Variants in PIK3IP1 observed in about 807,000 individuals in gnomAD.
The protein encoded by PIK3IP1 is phosphoinositide-3-kinase-interacting protein 1.
A neutral mutation model predicts 30.7 loss-of-function variants in PIK3IP1; 28 were observed. The observed-to-expected ratio is 0.91, with a 90% confidence interval of 0.68 to 1.25. The LOEUF is 1.25. Ranked by LOEUF, PIK3IP1 falls within the 50% of genes most tolerant of loss-of-function variation. The pLI, the probability that PIK3IP1 is intolerant of heterozygous loss-of-function variation, is 0.00. For synonymous variants in PIK3IP1, 159 were observed against 140.8 expected, an observed-to-expected ratio of 1.13 and a Z score of -0.91; for missense variants, 333 against 346.2, an observed-to-expected ratio of 0.96 and a Z score of 0.30.
At chr22:31,292,064 G>A (rs2049184884) in intron 1 of PIK3IP1, among the ~76,000 whole-genome samples, 1 of 152,244 alleles carries the variant, frequency 6.6e-6, no homozygotes, top group Non-Finnish European at 1.5e-5. Context: ...AGGAAAGGCA[G>A]AGAGAAAGTG....
At chr22:31,290,028 A>T (rs2049161939) in intron 3 of PIK3IP1, 1 of 274,952 alleles carries the variant, frequency 3.6e-6, no homozygotes, top group Non-Finnish European at 7.0e-6. Context: ...CTACTTCAGG[A>T]AACAACCCAT....
At position 31,282,257 on chromosome 22, in the gene PIK3IP1, A is replaced by G. The variant is rs1414345849; in HGVS notation, c.*827T>C. On this transcript the variant is annotated 3_prime_UTR_variant, in exon 6 of 6. Coordinates refer to ENST00000215912, the MANE Select transcript of PIK3IP1 (RefSeq NM_052880.5). ...TTAGAAGCAGCTCACAAGGCCCCAC[A>G]GTATAATTCCCATAGGTTAGCTAAC... 1.3e-5 allele frequency: 2 copies of G among 152,358 alleles called. No individual in the cohort carries two copies. The highest frequency in any genetic ancestry group is 4.8e-5 in the African/African-American group (2 of 41,446). The allele number at this position is 152,358 out of a possible 1,614,324, so 9.4% of individuals were successfully genotyped here. A position where few individuals can be genotyped will look rare whatever the true frequency, so the allele number is the denominator to read the frequency against.
Position 31,283,162 on chromosome 22 carries a change from G to A in PIK3IP1, c.714C>T (p.Val238=), listed in dbSNP as rs760951137. The change falls in exon 6 of 6, where the codon GTC becomes GTT. Residue 238 remains valine, a synonymous_variant. Transcript: ENST00000215912. ...CEIVDEKTVV[V]HTSQTPVDPQ... ...GGTCAACTGGAGTCTGGCTGGTGTGGACCACGACAGTCTTCTCATCCACAA... is the reference window on the plus strand; with the variant it reads ...GGTCAACTGGAGTCTGGCTGGTGTGAACCACGACAGTCTTCTCATCCACAA... The A allele has an allele frequency of 1.2e-6, 2 of 1,614,048 alleles. No homozygotes were observed.
At position 31,292,270 on chromosome 22, in the gene PIK3IP1, C is replaced by T; in HGVS notation, c.70+5G>A. On this transcript the variant is annotated splice_donor_5th_base_variant and intron_variant, in intron 1 of 5. Coordinates refer to ENST00000215912, the MANE Select transcript of PIK3IP1 (RefSeq NM_052880.5). The stretch of plus-strand genomic sequence containing the variant: ...TGCTGCGGAAAGGAAAGATTGTAAT[C>T]TCACCTCCAGATCCATAGGCTTCTG... 1 of 1,613,944 alleles carries T rather than the reference C, an allele frequency of 6.2e-7. No homozygotes were observed. Among genetic ancestry groups the T allele is most frequent in the Non-Finnish European group, 8.5e-7 (1 of 1,179,828 alleles).
At chr22:31,290,610 G>A in intron 3 of PIK3IP1, 1 of 208,938 alleles carries the variant, frequency 4.8e-6, no homozygotes, top group Non-Finnish European at 9.5e-6. Context: ...GGAGGTTGGG[G>A]AGCTGGGGTT....
At chr22:31,283,867 G>A (rs1387821582) in intron 5 of PIK3IP1, among the ~76,000 whole-genome samples, 1 of 151,992 alleles carries the variant, frequency 6.6e-6, no homozygotes, top group Non-Finnish European at 1.5e-5. Flanking sequence ...TCCCAGAGAT[G>A]CTTATTACTT....
intron 1 of PIK3IP1, 133 bp downstream of exon 1, chr22:31,292,142 A>G: frequency 1.2e-6 from 1 of 834,538 alleles, no homozygotes; most frequent in Non-Finnish European, 1.9e-6. Context: ...GGAGGGGTGG[A>G]AAAGCTTTCA....
At chr22:31,290,821 GC>G in intron 3 of PIK3IP1, 143 bp downstream of exon 3, 1 of 1,244,468 alleles carries the variant, frequency 8.0e-7, no homozygotes. Context: ...GAGCCCCGCG[GC>G]CTGGAGACAG....
Position 31,285,357 on chromosome 22 carries a change from T to C in PIK3IP1, c.588-2069A>G, listed in dbSNP as rs552884181. On this transcript the variant is annotated intron_variant, in intron 5 of 5. Coordinates refer to ENST00000215912, the MANE Select transcript of PIK3IP1 (RefSeq NM_052880.5). ...CACCAATTGTATGCCTAAACTATAC[T>C]GTCCAATTTCATCCTCACAACCTAT... Among the ~76,000 whole-genome samples the C allele has an allele frequency of 2.6e-5, 4 of 152,360 alleles. No individual in the cohort carries two copies. In the South Asian group the frequency reaches 8.3e-4, roughly 32 times the overall value.
intron 3 of PIK3IP1, 198 bp downstream of exon 3, chr22:31,290,767 G>T (rs1322025438): frequency 1.3e-6 from 1 of 741,542 alleles, no homozygotes; most frequent in Non-Finnish European, 2.0e-6. Context: ...AAGCGCTCGC[G>T]GCGGATGAGC....
chr22:31,292,275 C>G lies in PIK3IP1; in HGVS notation c.70G>C (p.Gly24Arg), dbSNP rs2049186520. ...MLLAEAYGSG[G>R]CFWDNGHLYR... is the part of the protein sequence containing the mutation. Reference sequence around the variant, plus strand: ...CGGAAAGGAAAGATTGTAATCTCACCTCCAGATCCATAGGCTTCTGCTAGG... The same window carrying G: ...CGGAAAGGAAAGATTGTAATCTCACGTCCAGATCCATAGGCTTCTGCTAGG... The change falls in exon 1 of 6, where the codon GGC (glycine) becomes CGC (arginine). Residue 24 changes from glycine to arginine, a missense_variant and splice_region_variant. Coordinates refer to ENST00000215912, the MANE Select transcript of PIK3IP1 (RefSeq NM_052880.5). The G allele has an allele frequency of 6.2e-7, 1 of 1,613,912 alleles. No homozygotes were observed.
At position 31,289,491 on chromosome 22, in the gene PIK3IP1, C is replaced by T. The variant is rs377002457; in HGVS notation, c.508+8G>A. ...CCCAACGAGGGCAGGGGTGGGGGAC[C>T]GTCATACCCAGAGTTCCCAGGTCCT... On this transcript the variant is annotated splice_region_variant and intron_variant, in intron 4 of 5. Coordinates refer to ENST00000215912, the MANE Select transcript of PIK3IP1 (RefSeq NM_052880.5). The T allele has an allele frequency of 3.0e-5, 46 of 1,533,276 alleles. No homozygotes were observed. Among genetic ancestry groups the T allele is most frequent in the Non-Finnish European group, 3.6e-5 (41 of 1,139,092 alleles). The allele number at this position is 1,533,276 out of a possible 1,614,324, so 95.0% of individuals were successfully genotyped here.
At chr22:31,289,080 T>G (rs2049152649) in intron 5 of PIK3IP1, 2 of 591,202 alleles carry the variant, frequency 3.4e-6, no homozygotes. Flanking sequence ...GACAGAGGCT[T>G]CTTCATTTGT....
chr22:31,283,349 G>GAT (rs2049105388), intron 5 of PIK3IP1, 61 bp from the exon 6 acceptor site: 1 of 1,558,634 alleles, frequency 6.4e-7, no homozygotes, highest in African/African-American at 1.4e-5. Context: ...TTGCTCATTA[G>GAT]ATAGCATCCC....
At chr22:31,291,857 A>G (rs2049183211) in intron 1 of PIK3IP1, among the ~76,000 whole-genome samples, 1 of 152,228 alleles carries the variant, frequency 6.6e-6, no homozygotes, top group Non-Finnish European at 1.5e-5. Flanking sequence ...CCGTCAGGCA[A>G]AAGATTCAAG....
intron 5 of PIK3IP1, among the ~76,000 whole-genome samples, chr22:31,287,478 C>T (rs2049141058): frequency 1.3e-5 from 2 of 151,564 alleles, no homozygotes. Context: ...TTACAAGTGC[C>T]CGCCACCACG....
At chr22:31,287,211 G>T (rs2049138107) in intron 5 of PIK3IP1, among the ~76,000 whole-genome samples, 1 of 150,376 alleles carries the variant, frequency 6.6e-6, no homozygotes, top group Non-Finnish European at 1.5e-5. Flanking sequence ...TAGAGACAGG[G>T]TTTTGCCATG....
Position 31,283,181 on chromosome 22 carries a change from T to G in PIK3IP1, c.695A>C (p.Asp232Ala). ...AFTNPTCEIV[D>A]EKTVVVHTSQ... ...GGTGTGGACCACGACAGTCTTCTCA[T>G]CCACAATCTCACAGGTGGGGTTGGT... The change falls in exon 6 of 6, where the codon GAT (aspartate) becomes GCT (alanine). Residue 232 changes from aspartate (D) to alanine (A), a missense_variant. Physicochemically the swap from Asp to Ala is moderately radical, Grantham distance 126. This residue lies in a region of PIK3IP1 where 217 missense variants were observed against 227.7 expected (regional missense o/e 0.95). Transcript: ENST00000215912. 6.2e-7 allele frequency: 1 copy of G among 1,614,208 alleles called. No individual in the cohort carries two copies. Among genetic ancestry groups the G allele is most frequent in the East Asian group, 2.2e-5 (1 of 44,888 alleles).
chr22:31,288,186 G>T (rs936433745), intron 5 of PIK3IP1, among the ~76,000 whole-genome samples: 2 of 152,010 alleles, frequency 1.3e-5, no homozygotes, highest in Non-Finnish European at 2.9e-5. Context: ...AGACTAGCCT[G>T]GGCAACACAG....
Sources: gnomAD v4.1 joint callset for allele counts (sites outside exome capture counted in the v4.1 genomes callset) on GRCh38, gnomAD v4.1.1 for gene constraint, gnomAD v4.1.1 regional missense constraint, MANE v1.5 for transcripts, NCBI Gene and HGNC (gene_info 2026-07-23, HGNC 2026-07-21) for gene names.